FASN: variants seen among roughly 807,000 people sequenced by gnomAD.
FASN encodes the protein fatty acid synthase.
FASN carries 50 observed loss-of-function variants against 250.0 expected under a neutral mutation model. The observed-to-expected ratio is 0.20, with a 90% CI of 0.16 to 0.25. FASN has a LOEUF of 0.25. Ranked by LOEUF, FASN falls within the 10% of genes least tolerant of loss-of-function variation. The probability of loss-of-function intolerance (pLI) is 1.00; values close to 1 mark genes in which losing one functional copy is unlikely to be tolerated. For synonymous variants in FASN, 1,909 were observed against 1,584.0 expected (o/e 1.21, Z -4.87); for missense variants, 3,031 against 3,498.5 (o/e 0.87, Z 3.37).
Position 82,078,680 on chromosome 17 carries a change from G to A in FASN, c.*463C>T, listed in dbSNP as rs545906214. On this transcript the variant is annotated 3_prime_UTR_variant, in exon 43 of 43. Transcript: ENST00000306749. The surrounding 1 kb of genome is among the most constrained non-coding windows in gnomAD (Gnocchi z 5.4). Reference sequence around the variant, plus strand: ...GCCAATGCCTGGCCGAGAGGGGGCCGCAGCCAGCAGGCTTGGGTGGCTGCC... The same window carrying A: ...GCCAATGCCTGGCCGAGAGGGGGCCACAGCCAGCAGGCTTGGGTGGCTGCC... The A allele has an allele frequency of 4.2e-5, 10 of 237,400 alleles. No homozygotes were observed. The highest frequency in any genetic ancestry group is 2.6e-4 in the Admixed American group (5 of 19,168). The allele number at this position is 237,400 out of a possible 1,614,324, so 14.7% of individuals were successfully genotyped here. A position where few individuals can be genotyped will look rare whatever the true frequency, so the allele number is the denominator to read the frequency against.
intron 27 of FASN, 51 bp from the exon 28 acceptor site, chr17:82,084,435 G>A (rs1260588574): frequency 6.3e-7 from 1 of 1,586,622 alleles, no homozygotes; most frequent in East Asian, 2.3e-5. Context: ...CCTCCCGAGG[G>A]GCTCCCAGGC....
rs1273501103 is a variant in FASN at position 82,080,853 on chromosome 17, A to C, written c.6665T>G (p.Leu2222Arg). 1 of 1,611,402 alleles carries C rather than the reference A, an allele frequency of 6.2e-7. No homozygotes were observed. Among genetic ancestry groups the C allele is most frequent in the African/African-American group, 1.3e-5 (1 of 74,916 alleles). ...GGTGGGGCCCTCCGGGTTCACCAGC[A>C]GGGAGCGCAGGTTCAGCTGAGTCTG... is the stretch of plus-strand genomic sequence containing the variant. Reference protein sequence around the residue: ...QQQTQLNLRSLLVNPEGPTLM... With the variant: ...QQQTQLNLRSRLVNPEGPTLM... The change falls in exon 39 of 43, where the codon CTG becomes CGG. Residue 2222 changes from leucine to arginine, a missense_variant. Physicochemically the swap from Leu to Arg is moderately radical, Grantham distance 102 (BLOSUM62 -2). Transcript: ENST00000306749.
chr17:82,090,335 C>T (rs747136745), intron 11 of FASN, 40 bp downstream of exon 11: 2 of 1,547,226 alleles, frequency 1.3e-6, no homozygotes, highest in South Asian at 1.2e-5. Context: ...AAGGCAGCCT[C>T]CTTTCTTGGA....
chr17:82,092,903 C>T lies in FASN; in HGVS notation c.772G>A (p.Glu258Lys). ...NAGTNTDGFK[E>K]QGVTFPSGDI... Reference sequence around the variant, plus strand: ...GAACCCCGGCAGAGCCCACCTTGCTCCTTGAAGCCATCTGTATTGGTGCCG... The same window carrying T: ...GAACCCCGGCAGAGCCCACCTTGCTTCTTGAAGCCATCTGTATTGGTGCCG... The change falls in exon 6 of 43, where the codon GAG becomes AAG. Residue 258 changes from glutamate (E) to lysine (K), a missense_variant. By Grantham distance (56) the Glu-to-Lys change is moderately conservative. Coordinates refer to ENST00000306749, the MANE Select transcript of FASN (RefSeq NM_004104.5). The T allele has an allele frequency of 6.2e-7, 1 of 1,602,510 alleles. No homozygotes were observed. Among genetic ancestry groups the T allele is most frequent in the East Asian group, 2.2e-5 (1 of 44,446 alleles).
chr17:82,082,414 C>T lies in FASN; in HGVS notation c.5920G>A (p.Val1974Ile). The T allele has an allele frequency of 1.9e-6, 3 of 1,612,756 alleles. No individual in the cohort carries two copies. Among genetic ancestry groups the T allele is most frequent in the South Asian group, 1.1e-5 (1 of 91,078 alleles). ...TTCTCCAGCAAGCCATCTCTCAAGA[C>T]CTGGGGGAGGCATCCTCAGCACTCC... ...PVGGVFNLAV[V>I]LRDGLLENQT... is the part of the protein sequence containing the mutation. Residue 1974 changes from valine to isoleucine, a missense_variant and splice_region_variant, in exon 35 of 43, where the codon GTC (valine) becomes ATC (isoleucine). Coordinates refer to ENST00000306749, the MANE Select transcript of FASN (RefSeq NM_004104.5).
intron 21 of FASN, 149 bp downstream of exon 21, chr17:82,086,901 C>T (rs546908360): frequency 2.5e-4 from 210 of 828,068 alleles, no homozygotes; most frequent in Non-Finnish European, 3.8e-4. Flanking sequence ...GGAGGGAGGC[C>T]GCCATCGTGA....
Position 82,087,256 on chromosome 17 carries a change from G to A in FASN, c.3224-3C>T. The A allele has an allele frequency of 1.2e-6, 2 of 1,606,514 alleles. No homozygotes were observed. Among genetic ancestry groups the A allele is most frequent in the Admixed American group, 1.7e-5 (1 of 58,784 alleles). ...CCTGCTCACCACCACGTCAGCCACT[G>A]TGGGGACAGGCTGGGTGAGTGCGGC... On this transcript the variant is annotated splice_polypyrimidine_tract_variant and splice_region_variant and intron_variant, in intron 20 of 42. Coordinates refer to ENST00000306749, the MANE Select transcript of FASN (RefSeq NM_004104.5).
At chr17:82,095,291 G>C (rs188321528) in intron 3 of FASN, 29 bp downstream of exon 3, 2 of 1,611,410 alleles carry the variant, frequency 1.2e-6, no homozygotes, top group Non-Finnish European at 1.7e-6. Context: ...AGGAGCCCTC[G>C]GCGCAGCAGT....
At position 82,085,130 on chromosome 17, in the gene FASN, G is replaced by A. The variant is rs762123242; in HGVS notation, c.4314C>T (p.Ser1438=). The A allele has an allele frequency of 2.5e-6, 4 of 1,612,670 alleles. No homozygotes were observed. Among genetic ancestry groups the A allele is most frequent in the East Asian group, 4.5e-5 (2 of 44,874 alleles). Residue 1438 remains serine, a synonymous_variant, in exon 25 of 43, where the codon TCC becomes TCT. Coordinates refer to ENST00000306749, the MANE Select transcript of FASN (RefSeq NM_004104.5). ...TGATGGCCTTCAGCCACACAGGCCG[G>A]GAAGAGTCTTCGTCAGCCAGGATGC... is the stretch of plus-strand genomic sequence containing the variant. ...LKGILADEDS[S]RPVWLKAINC...
Position 82,085,398 on chromosome 17 carries a change from G to T in FASN, c.4127C>A (p.Ala1376Glu). Residue 1376 changes from alanine (A) to glutamate (E), a missense_variant, in exon 24 of 43, where the codon GCG (alanine) becomes GAG (glutamate). Physicochemically the swap from Ala to Glu is moderately radical, Grantham distance 107. Coordinates refer to ENST00000306749, the MANE Select transcript of FASN (RefSeq NM_004104.5). Reference protein sequence around the residue: ...QYGQGILSQDAWESLFSRVSL... With the variant: ...QYGQGILSQDEWESLFSRVSL... ...CACCCTGGAGAAGAGGCTCTCCCACGCGTCCTGTGGGGGCGGTGGTCAGCA... is the reference window on the plus strand; with the variant it reads ...CACCCTGGAGAAGAGGCTCTCCCACTCGTCCTGTGGGGGCGGTGGTCAGCA... The T allele has an allele frequency of 6.2e-7, 1 of 1,610,054 alleles. No homozygotes were observed. Among genetic ancestry groups the T allele is most frequent in the African/African-American group, 1.3e-5 (1 of 74,994 alleles).
At position 82,086,140 on chromosome 17, in the gene FASN, G is replaced by A. The variant is rs1050188515; in HGVS notation, c.3732+114C>T. The A allele has an allele frequency of 7.2e-5, 108 of 1,507,096 alleles. No homozygotes were observed. In the Admixed American group the frequency reaches 9.5e-4, roughly 13 times the overall value. The allele number at this position is 1,507,096 out of a possible 1,614,324, so 93.4% of individuals were successfully genotyped here. On this transcript the variant is annotated intron_variant, in intron 22 of 42. Coordinates refer to ENST00000306749, the MANE Select transcript of FASN (RefSeq NM_004104.5). ...CACAGAACCACACAGGGAACTGGCCGGCCCCACCCACCGCCCAGGGCCCGC... is the reference window on the plus strand; with the variant it reads ...CACAGAACCACACAGGGAACTGGCCAGCCCCACCCACCGCCCAGGGCCCGC...
Position 82,096,374 on chromosome 17 carries a change from G to A in FASN, c.72C>T (p.Asp24=). ...CCATGTCCACACCGCCGATGAGGTTGTCCCAGAACTCCTGCAAGTTCTCCG... is the reference window on the plus strand; with the variant it reads ...CCATGTCCACACCGCCGATGAGGTTATCCCAGAACTCCTGCAAGTTCTCCG... ...PESENLQEFW[D]NLIGGVDMVT... Residue 24 remains aspartate, a synonymous_variant, in exon 2 of 43, where the codon GAC becomes GAT. Transcript: ENST00000306749. The A allele has an allele frequency of 6.2e-7, 1 of 1,613,008 alleles. No homozygotes were observed. The highest frequency in any genetic ancestry group is 1.1e-5 in the South Asian group (1 of 91,090).
chr17:82,084,422 T>C, intron 27 of FASN, 38 bp from the exon 28 acceptor site: 1 of 1,590,438 alleles, frequency 6.3e-7, no homozygotes, highest in Non-Finnish European at 8.6e-7. Context: ...CCGCCTGCCC[T>C]TCCCTCCCGA....
chr17:82,090,529 C>A lies in FASN; in HGVS notation c.1716G>T (p.Leu572=). The change falls in exon 11 of 43, where the codon CTG becomes CTT. Residue 572 remains leucine (L), a synonymous_variant. Coordinates refer to ENST00000306749, the MANE Select transcript of FASN (RefSeq NM_004104.5). ...AGTGGCCGACGATGCCATCTGGCCT[C>A]AGCCCCATGCAGCTCAGCAGGTCTA... ...GLIDLLSCMG[L]RPDGIVGHSL... is the part of the protein sequence containing the mutation. 1 of 1,611,960 alleles carries A rather than the reference C, an allele frequency of 6.2e-7. No homozygotes were observed. The highest frequency in any genetic ancestry group is 8.5e-7 in the Non-Finnish European group (1 of 1,179,628).
At chr17:82,081,130 G>T in intron 38 of FASN, 34 bp downstream of exon 38, 1 of 1,553,296 alleles carries the variant, frequency 6.4e-7, no homozygotes, top group Non-Finnish European at 8.7e-7. Flanking sequence ...GGGAGGCCCG[G>T]GGACCCCACT....
intron 11 of FASN, 57 bp downstream of exon 11, chr17:82,090,318 C>G (rs2034180125): frequency 5.9e-6 from 9 of 1,519,276 alleles, no homozygotes; most frequent in Middle Eastern, 4.5e-4. Flanking sequence ...GAGGACCCCA[C>G]AGCGAGAAGG....
rs769088397 is a variant in FASN, at chr17:82,092,686, G to C, written c.894+11C>G. On this transcript the variant is annotated intron_variant, in intron 7 of 42. Transcript: ENST00000306749. The stretch of plus-strand genomic sequence containing the variant: ...TGGGGTGGTGAGTGGGGCGGGGGGG[G>C]GGGGCATCACCTTGGTGCCTGTGCC... The C allele has an allele frequency of 4.1e-6, 5 of 1,207,954 alleles. No individual in the cohort carries two copies. The highest frequency in any genetic ancestry group is 1.8e-5 in the Admixed American group (1 of 55,148). 74.8% of individuals were successfully genotyped at this position (1,207,954 alleles called of 1,614,324 possible). A position where few individuals can be genotyped will look rare whatever the true frequency, so the allele number is the denominator to read the frequency against.
At position 82,079,538 on chromosome 17, in the gene FASN, TTGA is replaced by T; in HGVS notation, c.7214_7216del (p.Ile2405del). ...CTGGCGGTCCAGGCCCTGGTGGCTC[TTGA>T]TGATCAGGTCCACGGCGGCTGCCAC... On this transcript the variant is annotated inframe_deletion, in exon 42 of 43. Transcript: ENST00000306749. 1 of 1,610,234 alleles carries T rather than the reference TTGA, an allele frequency of 6.2e-7. No homozygotes were observed. The highest frequency in any genetic ancestry group is 8.5e-7 in the Non-Finnish European group (1 of 1,179,958).
rs2144787653 is a variant in FASN at position 82,084,358 on chromosome 17, G to A, written c.4795C>T (p.Leu1599=). The A allele has an allele frequency of 1.2e-6, 2 of 1,608,202 alleles. No individual in the cohort carries two copies. The highest frequency in any genetic ancestry group is 2.2e-5 in the East Asian group (1 of 44,658). The change falls in exon 28 of 43, where the codon CTA becomes TTA. Residue 1599 remains leucine (L), a synonymous_variant. Coordinates refer to ENST00000306749, the MANE Select transcript of FASN (RefSeq NM_004104.5). Reference sequence around the variant, plus strand: ...TCTCGGCCCGAGAACTCCATACCTAGCAGGCTGTCCTGGGAGGTCCACTTC... The same window carrying A: ...TCTCGGCCCGAGAACTCCATACCTAACAGGCTGTCCTGGGAGGTCCACTTC... ...PGKWTSQDSL[L]GMEFSGRDAS... is the part of the protein sequence containing the mutation.
Sources: allele counts gnomAD v4.1 joint callset, GRCh38; gene constraint gnomAD v4.1.1; non-coding constraint Gnocchi (gnomAD v3.1); transcripts MANE v1.5; gene names NCBI Gene and HGNC (gene_info 2026-07-23, HGNC 2026-07-21).